Variants in RFC3 observed in about 807,000 individuals in gnomAD.
The protein encoded by RFC3 is replication factor C subunit 3.
In RFC3, 41 loss-of-function variants were observed where a neutral mutation model predicts 45.1. The observed-to-expected ratio is 0.91, with a 90% confidence interval of 0.71 to 1.18. RFC3 has a LOEUF of 1.18. Among genes scored for constraint, RFC3 ranks in the 50% most tolerant of loss-of-function variants. The pLI is 0.00. For synonymous variants in RFC3, 149 were observed against 144.0 expected, an observed-to-expected ratio of 1.03 and a Z score of -0.25; for missense variants, 423 against 428.1, an observed-to-expected ratio of 0.99 and a Z score of 0.10.
At chr13:33,863,313 G>A (rs1386404982) in intron 8 of RFC3, among the ~76,000 whole-genome samples, 1 of 152,060 alleles carries the variant, frequency 6.6e-6, no homozygotes, top group Admixed American at 6.5e-5. Context: ...CTGTCTCTGG[G>A]TTTAATTTCT....
intron 8 of RFC3, chr13:33,835,605 C>T (rs964058977): frequency 4.8e-5 from 19 of 391,928 alleles, no homozygotes; most frequent in African/African-American, 4.0e-4. Flanking sequence ...CTTTTCTATT[C>T]ACATAGAAAC....
At position 33,836,190 on chromosome 13, in the gene RFC3, A is replaced by T. The variant is rs3135633; in HGVS notation, c.966A>T (p.Leu322=). ...TGGCAGCTTACTATGAGCATCGTCTACAGCTGGGTAGCAAAGCCATTTATC... is the reference window on the plus strand; with the variant it reads ...TGGCAGCTTACTATGAGCATCGTCTTCAGCTGGGTAGCAAAGCCATTTATC... ...AQMAAYYEHR[L]QLGSKAIYHL... The change falls in exon 9 of 9, where the codon CTA becomes CTT. Residue 322 remains leucine (L), a synonymous_variant. Transcript: ENST00000380071. 6.4e-5 allele frequency: 104 copies of T among 1,613,540 alleles called. No homozygotes were observed. In the African/African-American group the frequency reaches 1.3e-3, roughly 20 times the overall value.
intron 8 of RFC3, among the ~76,000 whole-genome samples, chr13:33,879,748 A>C (rs190142893): frequency 6.6e-6 from 1 of 152,352 alleles, no homozygotes; most frequent in East Asian, 1.9e-4. Context: ...AAATCTACAT[A>C]TCGCTTATCT....
intron 8 of RFC3, among the ~76,000 whole-genome samples, chr13:33,869,975 C>T (rs1472997835): frequency 1.3e-5 from 2 of 152,260 alleles, no homozygotes; most frequent in South Asian, 2.1e-4. Context: ...ACTTGCTTAT[C>T]CTTGTTTGGT....
chr13:33,925,416 A>C (rs1470636855), intron 8 of RFC3, among the ~76,000 whole-genome samples: 1 of 142,716 alleles, frequency 7.0e-6, no homozygotes, highest in Non-Finnish European at 1.5e-5. Context: ...ATATACATAC[A>C]TAGTGTACTA....
chr13:33,913,221 C>T (rs996526947), intron 8 of RFC3, among the ~76,000 whole-genome samples: 13 of 152,050 alleles, frequency 8.5e-5, no homozygotes, highest in African/African-American at 3.1e-4. Context: ...TCAAATTCCA[C>T]CTAGGAGCTG....
At chr13:33,822,030 A>G (rs1470743109) in intron 2 of RFC3, among the ~76,000 whole-genome samples, 1 of 152,254 alleles carries the variant, frequency 6.6e-6, no homozygotes, top group Non-Finnish European at 1.5e-5. Context: ...TTTACATATT[A>G]GGCATTGAAA....
At chr13:33,873,134 G>A (rs114003232) in intron 8 of RFC3, among the ~76,000 whole-genome samples, 1,762 of 152,262 alleles carry the variant, frequency 0.012, 38 homozygotes, top group African/African-American at 0.04. Flanking sequence ...ATGTCTCAGT[G>A]ACCAACTCTA....
intron 8 of RFC3, among the ~76,000 whole-genome samples, chr13:33,871,855 A>G (rs531387745): frequency 6.2e-4 from 94 of 152,176 alleles, no homozygotes; most frequent in Middle Eastern, 6.8e-3. Context: ...TATCCCCACT[A>G]TTTTACAGAT....
chr13:33,844,505 T>C (rs1011687728), intron 8 of RFC3, among the ~76,000 whole-genome samples: 5 of 152,190 alleles, frequency 3.3e-5, no homozygotes, highest in African/African-American at 1.2e-4. Flanking sequence ...ATTTTCTCAG[T>C]GGTGTGTTTC....
chr13:33,949,319 A>T (rs988733709), intron 8 of RFC3, among the ~76,000 whole-genome samples: 4 of 152,188 alleles, frequency 2.6e-5, no homozygotes, highest in African/African-American at 9.7e-5. Flanking sequence ...CTTCTCAGTG[A>T]TGCGGAACTG....
intron 8 of RFC3, among the ~76,000 whole-genome samples, chr13:33,901,454 C>A (rs1409162394): frequency 6.6e-6 from 1 of 151,998 alleles, no homozygotes; most frequent in Admixed American, 6.6e-5. Flanking sequence ...ACAAATATTA[C>A]ATGTTCTCAC....
intron 8 of RFC3, among the ~76,000 whole-genome samples, chr13:33,900,556 C>T (rs1006245755): frequency 6.6e-6 from 1 of 151,662 alleles, no homozygotes; most frequent in Non-Finnish European, 1.5e-5. Flanking sequence ...TGTATTAAAT[C>T]TAAGGCCTGA....
chr13:33,969,400 C>T (rs990376283), downstream of RFC3, among the ~76,000 whole-genome samples: 9 of 152,330 alleles, frequency 5.9e-5, no homozygotes, highest in African/African-American at 2.2e-4. Context: ...AGCCTTTGCA[C>T]CTTGTTCGTT....
intron 8 of RFC3, among the ~76,000 whole-genome samples, chr13:33,936,013 T>A (rs1219526813): frequency 6.6e-6 from 1 of 152,176 alleles, no homozygotes; most frequent in African/African-American, 2.4e-5. Flanking sequence ...ACTGAGCTGG[T>A]CTCATCTTCC....
At chr13:33,971,440 A>G (rs528221555), downstream of RFC3, among the ~76,000 whole-genome samples, 2 of 152,372 alleles carry the variant, frequency 1.3e-5, no homozygotes, top group East Asian at 3.8e-4. Context: ...AGAAACATTT[A>G]TCTTCAATTG....
intron 8 of RFC3, among the ~76,000 whole-genome samples, chr13:33,895,451 C>T (rs1481876980): frequency 1.3e-5 from 2 of 152,118 alleles, no homozygotes; most frequent in Admixed American, 6.5e-5. Flanking sequence ...CCACCTTACT[C>T]CAGCTAGAAT....
chr13:33,831,599 T>G (rs1422236661), intron 7 of RFC3, among the ~76,000 whole-genome samples: 6 of 152,224 alleles, frequency 3.9e-5, no homozygotes, highest in African/African-American at 1.4e-4. Context: ...AAAGTGGAAT[T>G]TATATTAATT....
intron 8 of RFC3, among the ~76,000 whole-genome samples, chr13:33,871,268 G>A (rs899930443): frequency 1.8e-4 from 27 of 152,148 alleles, no homozygotes; most frequent in African/African-American, 6.3e-4. Context: ...TTACTGTTCT[G>A]GAGCTCAGAG....
Sources: allele counts gnomAD v4.1 joint callset (sites outside exome capture counted in the v4.1 genomes callset), GRCh38; gene constraint gnomAD v4.1.1; transcripts MANE v1.5; gene names NCBI Gene and HGNC (gene_info 2026-07-23, HGNC 2026-07-21).